The following GRIN2B variants were observed in gnomAD, a reference collection of about 807,000 sequenced individuals.
GRIN2B encodes the protein glutamate receptor ionotropic, NMDA 2B.
A neutral mutation model predicts 114.5 loss-of-function variants in GRIN2B; 5 were observed. The ratio of observed to expected loss-of-function variants is 0.04; its 90% CI spans 0.02 to 0.09. GRIN2B has a LOEUF of 0.09. Among genes scored for constraint, GRIN2B ranks in the 10% least tolerant of loss-of-function variants. The probability of loss-of-function intolerance (pLI) is 1.00; values close to 1 mark genes in which losing one functional copy is unlikely to be tolerated. For synonymous variants in GRIN2B, 787 were observed against 745.1 expected, an observed-to-expected ratio of 1.06 and a Z score of -0.92; for missense variants, 1,108 against 1,943.5, an observed-to-expected ratio of 0.57 and a Z score of 8.08.
chr12:13,870,875 G>A (rs1865893886), intron 2 of GRIN2B, among the ~76,000 whole-genome samples: 2 of 152,172 alleles, frequency 1.3e-5, no homozygotes, highest in South Asian at 4.1e-4. Context: ...TACAATGGAA[G>A]TCAAGAAGAG....
chr12:13,684,082 G>C (rs1950155914), intron 4 of GRIN2B, among the ~76,000 whole-genome samples: 1 of 152,016 alleles, frequency 6.6e-6, no homozygotes, highest in South Asian at 2.1e-4. Flanking sequence ...AACTATTAAG[G>C]CTTGGGAATA....
chr12:13,615,354 T>A lies in GRIN2B; in HGVS notation c.1501-87A>T, dbSNP rs1949423270. On this transcript the variant is annotated intron_variant, in intron 7 of 13. Coordinates refer to ENST00000609686, the MANE Select transcript of GRIN2B (RefSeq NM_000834.5). This position sits in a 1 kb window ranked among gnomAD's most constrained non-coding sequence, Gnocchi z 5.8. ...AAAATACAGCCTATCAGTGGTTTTC[T>A]TTGTATAGTGGGAACAATACATCTT... The A allele has an allele frequency of 3.4e-6, 5 of 1,468,292 alleles. No homozygotes were observed. Among genetic ancestry groups the A allele is most frequent in the South Asian group, 1.1e-5 (1 of 87,974 alleles). 91.0% of individuals were successfully genotyped at this position (1,468,292 alleles called of 1,614,324 possible).
chr12:13,864,406 C>T (rs1365671032), intron 3 of GRIN2B, among the ~76,000 whole-genome samples: 1 of 152,078 alleles, frequency 6.6e-6, no homozygotes, highest in Non-Finnish European at 1.5e-5. Context: ...ATTATTAACC[C>T]GAAAGCATGT....
In GRIN2B at chr12:13,780,107, G is replaced by A. The variant is rs955032879; in HGVS notation, c.412-26192C>T. ...TCAGCCACTGCTTTTTCTCAGTTGC[G>A]GAAATAATTACCTAGAAGAGTACCA... is the stretch of plus-strand genomic sequence containing the variant. On this transcript the variant is annotated intron_variant, in intron 3 of 13. Coordinates refer to ENST00000609686, the MANE Select transcript of GRIN2B (RefSeq NM_000834.5). Among the ~76,000 whole-genome samples, 10 of 151,994 alleles carry A rather than the reference G, an allele frequency of 6.6e-5. No homozygotes were observed. In the South Asian group the frequency reaches 1.2e-3, roughly 19 times the overall value.
chr12:13,626,730 T>C (rs1320684808), intron 5 of GRIN2B, among the ~76,000 whole-genome samples: 11 of 151,812 alleles, frequency 7.2e-5, no homozygotes, highest in Admixed American at 7.2e-4. Context: ...TCCTTAATCT[T>C]TTTAACCCTG....
At chr12:13,823,846 A>G (rs1181101504) in intron 3 of GRIN2B, among the ~76,000 whole-genome samples, 1 of 152,128 alleles carries the variant, frequency 6.6e-6, no homozygotes, top group Admixed American at 6.5e-5. Flanking sequence ...TTTATTGAGA[A>G]TTCTCAACAT....
chr12:13,878,485 T>C (rs552962482), intron 2 of GRIN2B, among the ~76,000 whole-genome samples: 2 of 152,358 alleles, frequency 1.3e-5, no homozygotes, highest in East Asian at 3.9e-4. Flanking sequence ...TGTCCACACC[T>C]TGGTAAATAG....
chr12:13,590,786 G>T (rs1948999589), intron 10 of GRIN2B, among the ~76,000 whole-genome samples: 1 of 152,020 alleles, frequency 6.6e-6, no homozygotes, highest in South Asian at 2.1e-4. Flanking sequence ...GCTGGGGAAA[G>T]ACCAGTTTTA....
chr12:13,770,668 G>A (rs1863890164), intron 3 of GRIN2B, among the ~76,000 whole-genome samples: 2 of 152,114 alleles, frequency 1.3e-5, no homozygotes, highest in African/African-American at 2.4e-5. Flanking sequence ...ATGGTCTAAA[G>A]GTATTCTGTA....
chr12:13,788,986 G>A (rs1263970306), intron 3 of GRIN2B, among the ~76,000 whole-genome samples: 1 of 152,136 alleles, frequency 6.6e-6, no homozygotes, highest in East Asian at 1.9e-4. Flanking sequence ...CTGACCATCC[G>A]ATTAATGGCT....
chr12:13,628,338 C>A (rs1176647850), intron 5 of GRIN2B, among the ~76,000 whole-genome samples: 1 of 152,192 alleles, frequency 6.6e-6, no homozygotes, highest in Admixed American at 6.5e-5. Flanking sequence ...TTATACTGGT[C>A]TTCAAACAAG....
At chr12:13,966,232 G>A (rs1351602422) in intron 2 of GRIN2B, among the ~76,000 whole-genome samples, 2 of 152,194 alleles carry the variant, frequency 1.3e-5, no homozygotes, top group African/African-American at 4.8e-5. Context: ...TAATGTATGA[G>A]GAAGACAGTA....
At position 13,772,224 on chromosome 12, in the gene GRIN2B, A is replaced by T. The variant is rs529811094; in HGVS notation, c.412-18309T>A. On this transcript the variant is annotated intron_variant, in intron 3 of 13. Coordinates refer to ENST00000609686, the MANE Select transcript of GRIN2B (RefSeq NM_000834.5). Reference sequence around the variant, plus strand: ...TGGGGAGGTTTGGTTTGTGCCACTGATGGCTCTTTTACCATCAGGTTACCT... The same window carrying T: ...TGGGGAGGTTTGGTTTGTGCCACTGTTGGCTCTTTTACCATCAGGTTACCT... Among the ~76,000 whole-genome samples, 4 of 152,292 alleles carry T rather than the reference A, an allele frequency of 2.6e-5. No homozygotes were observed. The East Asian group carries it at 7.7e-4, about 29-fold the overall frequency.
intron 5 of GRIN2B, among the ~76,000 whole-genome samples, chr12:13,660,894 C>T (rs1477728178): frequency 6.6e-6 from 1 of 152,144 alleles, no homozygotes; most frequent in Non-Finnish European, 1.5e-5. Flanking sequence ...CTTGACTCTG[C>T]TTTTCCTCCT....
chr12:13,958,868 G>C (rs1415830979), intron 2 of GRIN2B, among the ~76,000 whole-genome samples: 1 of 152,048 alleles, frequency 6.6e-6, no homozygotes, highest in South Asian at 2.1e-4. Context: ...TTGGCTTTGA[G>C]AGAGGGGAAA....
chr12:13,831,328 C>G (rs953915529), intron 3 of GRIN2B, among the ~76,000 whole-genome samples: 1 of 152,140 alleles, frequency 6.6e-6, no homozygotes, highest in South Asian at 2.1e-4. Context: ...AGTTAATTTT[C>G]TGATTCTCCA....
At chr12:13,954,408 C>G (rs924792805) in intron 2 of GRIN2B, among the ~76,000 whole-genome samples, 1 of 152,172 alleles carries the variant, frequency 6.6e-6, no homozygotes, top group East Asian at 1.9e-4. Flanking sequence ...AATGTGGGAG[C>G]TCAGAGCACT....
chr12:13,799,928 C>A (rs1864477597), intron 3 of GRIN2B, among the ~76,000 whole-genome samples: 1 of 152,088 alleles, frequency 6.6e-6, no homozygotes. Flanking sequence ...AACCTTGCTG[C>A]CTGCCTGGAA....
chr12:13,779,314 G>T (rs1398594576), intron 3 of GRIN2B, among the ~76,000 whole-genome samples: 1 of 152,200 alleles, frequency 6.6e-6, no homozygotes, highest in East Asian at 1.9e-4. Context: ...AAAGTGCTGG[G>T]ATTACAGGTG....
Sources: gnomAD v4.1 joint callset for allele counts (sites outside exome capture counted in the v4.1 genomes callset) on GRCh38, gnomAD v4.1.1 for gene constraint, Gnocchi (gnomAD v3.1) non-coding constraint, MANE v1.5 for transcripts, NCBI Gene and HGNC (gene_info 2026-07-23, HGNC 2026-07-21) for gene names.